Variants in ING5 observed in about 807,000 individuals in gnomAD.
ING5 encodes inhibitor of growth protein 5.
ING5 carries 17 observed loss-of-function variants against 37.4 expected under a neutral mutation model. That is an observed-to-expected ratio of 0.45 (90% CI 0.31 to 0.68). The LOEUF (loss-of-function observed/expected upper bound fraction) is 0.68, where lower values mean the gene tolerates loss of function less well. Among genes scored for constraint, ING5 ranks in the 30% least tolerant of loss-of-function variants. ING5 has a pLI of 0.05. For missense variants in ING5, 233 were observed against 311.9 expected (o/e 0.75, Z 1.91); for synonymous variants, 123 against 116.6 (o/e 1.06, Z -0.36).
upstream of ING5, among the ~76,000 whole-genome samples, chr2:241,701,715 G>T (rs1369834634): frequency 2.0e-5 from 3 of 152,168 alleles, no homozygotes; most frequent in African/African-American, 7.2e-5. Context: ...CCGGGACCAC[G>T]TGTTTGCGTT....
At chr2:241,701,225 A>T (rs2069717802), upstream of ING5, among the ~76,000 whole-genome samples, 4 of 152,036 alleles carry the variant, frequency 2.6e-5, no homozygotes, top group Admixed American at 2.0e-4. Context: ...CGGCCTCCCA[A>T]AGTGATGGGA....
At chr2:241,714,445 T>A (rs2124925410) in intron 5 of ING5, among the ~76,000 whole-genome samples, 1 of 152,342 alleles carries the variant, frequency 6.6e-6, no homozygotes, top group South Asian at 2.1e-4. Context: ...AATCTGTGTC[T>A]TTCAAGAAAT....
exon 2 of ING5, chr2:241,689,986 C>T (rs1455170289): frequency 6.6e-6 from 1 of 151,882 alleles, no homozygotes; most frequent in Non-Finnish European, 1.5e-5. Context: ...AGGAAGACCA[C>T]CTTCCCGGGG....
At chr2:241,688,598 C>T (rs1007864828) in intron 1 of ING5, among the ~76,000 whole-genome samples, 1 of 151,994 alleles carries the variant, frequency 6.6e-6, no homozygotes, top group African/African-American at 2.4e-5. Context: ...CCAGTTATGC[C>T]CTTTCTTCCT....
chr2:241,692,833 C>T (rs1033104507), intron 2 of ING5, among the ~76,000 whole-genome samples: 1 of 152,148 alleles, frequency 6.6e-6, no homozygotes, highest in African/African-American at 2.4e-5. Context: ...CGTCTCCTTT[C>T]ACCTCCTCAC....
intron 4 of ING5, 199 bp downstream of exon 4, chr2:241,711,687 G>A: frequency 1.7e-6 from 1 of 583,190 alleles, no homozygotes; most frequent in Non-Finnish European, 3.0e-6. Context: ...GATCACTTGA[G>A]GCTAGGAGTT....
At chr2:241,713,296 G>T (rs2070172438) in intron 5 of ING5, among the ~76,000 whole-genome samples, 1 of 151,092 alleles carries the variant, frequency 6.6e-6, no homozygotes, top group Non-Finnish European at 1.5e-5. Context: ...GACCTCAGGT[G>T]ATCCACCTGC....
intron 2 of ING5, among the ~76,000 whole-genome samples, chr2:241,693,470 G>A (rs1391589198): frequency 6.6e-6 from 1 of 151,524 alleles, no homozygotes; most frequent in Non-Finnish European, 1.5e-5. Context: ...CACACAGCAG[G>A]CTTGCATCCC....
chr2:241,724,001 C>A (rs531192439), intron 7 of ING5: 13 of 1,343,760 alleles, frequency 9.7e-6, no homozygotes, highest in South Asian at 3.1e-5. Flanking sequence ...GAGAGCAAGA[C>A]CCTGTCTCAA....
intron 4 of ING5, 89 bp downstream of exon 4, chr2:241,711,577 T>C: frequency 1.0e-6 from 1 of 969,212 alleles, no homozygotes; most frequent in South Asian, 1.6e-5. Flanking sequence ...TAAAGTATGA[T>C]CACTAGGGTA....
intron 5 of ING5, among the ~76,000 whole-genome samples, chr2:241,717,141 C>T (rs2070296724): frequency 6.6e-6 from 1 of 150,620 alleles, no homozygotes; most frequent in African/African-American, 2.4e-5. Flanking sequence ...GTGGTGCGAT[C>T]TCAGCTCACG....
rs1266802030 is a variant in ING5, at chr2:241,726,492, A to C, written c.*1461A>C. The stretch of plus-strand genomic sequence containing the variant: ...ACAAGAGAACAAGAACACCCTGAAC[A>C]GTCCTGGTTGGGATGGTGTCCACAT... On this transcript the variant is annotated 3_prime_UTR_variant, in exon 8 of 8. Coordinates refer to ENST00000313552, the MANE Select transcript of ING5 (RefSeq NM_032329.6). 6.6e-6 allele frequency: 1 copy of C among 152,294 alleles called. No individual in the cohort carries two copies. The highest frequency in any genetic ancestry group is 2.4e-5 in the African/African-American group (1 of 41,474). The allele number at this position is 152,294 out of a possible 1,614,324, so 9.4% of individuals were successfully genotyped here.
chr2:241,722,481 G>A (rs866892601), intron 5 of ING5: 1 of 985,372 alleles, frequency 1.0e-6, no homozygotes, highest in Non-Finnish European at 1.2e-6. Flanking sequence ...GGGCCCGAAG[G>A]TGGGCGCGAG....
rs1389578999 is a variant in ING5, at chr2:241,728,528, A to G, written c.*3497A>G. On this transcript the variant is annotated 3_prime_UTR_variant, in exon 8 of 8. Coordinates refer to ENST00000313552, the MANE Select transcript of ING5 (RefSeq NM_032329.6). ...TGCGGTATCAGTCAGTGATCTGAGG[A>G]AATCCTGTAGGGGAAGGCAGGCTGC... is the stretch of plus-strand genomic sequence containing the variant. The G allele has an allele frequency of 6.5e-6, 1 of 152,716 alleles. No homozygotes were observed. The highest frequency in any genetic ancestry group is 1.5e-5 in the Non-Finnish European group (1 of 68,080). The allele number at this position is 152,716 out of a possible 1,614,324, so 9.5% of individuals were successfully genotyped here.
intron 5 of ING5, among the ~76,000 whole-genome samples, chr2:241,718,841 C>T (rs1393745361): frequency 6.6e-6 from 1 of 151,864 alleles, no homozygotes; most frequent in Non-Finnish European, 1.5e-5. Context: ...CTTGAGTAGC[C>T]GGGATCACAG....
At chr2:241,700,013 C>T (rs1313061755), upstream of ING5, among the ~76,000 whole-genome samples, 3 of 152,084 alleles carry the variant, frequency 2.0e-5, no homozygotes, top group Non-Finnish European at 4.4e-5. Flanking sequence ...GATGGAGTCT[C>T]GCTCTGTCAC....
chr2:241,704,293 C>T (rs754414216), intron 1 of ING5, among the ~76,000 whole-genome samples: 2 of 152,138 alleles, frequency 1.3e-5, no homozygotes, highest in African/African-American at 4.8e-5. Flanking sequence ...TTTGGCCAGT[C>T]CTGGTGGCTC....
intron 5 of ING5, among the ~76,000 whole-genome samples, chr2:241,717,672 GATA>G (rs559365401): frequency 6.1e-5 from 9 of 147,828 alleles, no homozygotes; most frequent in African/African-American, 7.4e-5. Context: ...ATAAATTACT[GATA>G]ATAATTATTT....
intron 7 of ING5, chr2:241,723,776 A>G (rs939169858): frequency 1.9e-6 from 3 of 1,598,150 alleles, no homozygotes; most frequent in Non-Finnish European, 2.5e-6. Flanking sequence ...AACTTTCTGC[A>G]TTGTTGTTCC....
Sources: allele counts gnomAD v4.1 joint callset (sites outside exome capture counted in the v4.1 genomes callset), GRCh38; gene constraint gnomAD v4.1.1; transcripts MANE v1.5; gene names NCBI Gene and HGNC (gene_info 2026-07-23, HGNC 2026-07-21).